The following FSTL5 variants were observed in gnomAD, a reference collection of about 807,000 sequenced individuals.
FSTL5 encodes the protein follistatin-related protein 5.
FSTL5 carries 62 observed loss-of-function variants against 89.1 expected under a neutral mutation model. The ratio of observed to expected loss-of-function variants is 0.70; its 90% CI spans 0.57 to 0.86. FSTL5 has a LOEUF of 0.86. FSTL5 is among the 40% of genes least tolerant of loss of function. The pLI, the probability that FSTL5 is intolerant of heterozygous loss-of-function variation, is 0.00. For missense variants in FSTL5, 1,057 were observed against 1,001.6 expected, an observed-to-expected ratio of 1.06 and a Z score of -0.75; for synonymous variants, 383 against 346.2, an observed-to-expected ratio of 1.11 and a Z score of -1.18.
At position 161,551,651 on chromosome 4, in the gene FSTL5, GA is replaced by G. The variant is rs1246012612; in HGVS notation, c.1016-8959del. Reference sequence around the variant, plus strand: ...ACCAAAACAGAGATATAGATCCATGGAACAGAACAGAGCCCTCAGAAATAAT... The same window carrying G: ...ACCAAAACAGAGATATAGATCCATGGACAGAACAGAGCCCTCAGAAATAAT... On this transcript the variant is annotated intron_variant, in intron 8 of 15. Coordinates refer to ENST00000306100, the MANE Select transcript of FSTL5 (RefSeq NM_020116.5). 3.3e-5 allele frequency among the ~76,000 whole-genome samples: 5 copies of G among 152,008 alleles called. No individual in the cohort carries two copies. The South Asian group carries it at 8.3e-4, about 25-fold the overall frequency.
chr4:161,570,765 G>A (rs1732977208), intron 8 of FSTL5, among the ~76,000 whole-genome samples: 1 of 152,202 alleles, frequency 6.6e-6, no homozygotes, highest in African/African-American at 2.4e-5. Flanking sequence ...TATTGCAGGT[G>A]AGCCTGCAGC....
At chr4:161,455,631 C>A (rs746786014) in intron 14 of FSTL5, among the ~76,000 whole-genome samples, 1 of 152,026 alleles carries the variant, frequency 6.6e-6, no homozygotes, top group Non-Finnish European at 1.5e-5. Context: ...AACCGGTTTA[C>A]GTGTTTTAAT....
At chr4:161,636,201 T>A (rs1735690501) in intron 7 of FSTL5, among the ~76,000 whole-genome samples, 1 of 152,200 alleles carries the variant, frequency 6.6e-6, no homozygotes, top group Non-Finnish European at 1.5e-5. Flanking sequence ...TCTCAAAGCA[T>A]CAAAACACTC....
chr4:161,415,827 T>G (rs1014877960), intron 15 of FSTL5, among the ~76,000 whole-genome samples: 1 of 36,594 alleles, frequency 2.7e-5, no homozygotes, highest in African/African-American at 9.7e-5. Flanking sequence ...AGGGGATATA[T>G]ATATATATAT....
At chr4:161,679,781 A>G (rs2053557609) in intron 6 of FSTL5, among the ~76,000 whole-genome samples, 1 of 151,838 alleles carries the variant, frequency 6.6e-6, no homozygotes, top group African/African-American at 2.4e-5. Flanking sequence ...TTAATTGATC[A>G]CATACTATGT....
intron 15 of FSTL5, among the ~76,000 whole-genome samples, chr4:161,395,462 T>C (rs930782784): frequency 3.9e-5 from 6 of 152,182 alleles, no homozygotes; most frequent in African/African-American, 1.2e-4. Flanking sequence ...CTGAAATAAA[T>C]AGAAATCTAT....
chr4:161,881,057 T>A (rs1360337428), intron 4 of FSTL5, among the ~76,000 whole-genome samples: 1 of 151,802 alleles, frequency 6.6e-6, no homozygotes, highest in Non-Finnish European at 1.5e-5. Context: ...TAAAAAATCA[T>A]CTCTAGGTAT....
intron 4 of FSTL5, among the ~76,000 whole-genome samples, chr4:161,831,650 C>A (rs1730849496): frequency 6.6e-6 from 1 of 151,634 alleles, no homozygotes; most frequent in South Asian, 2.1e-4. Context: ...TAAATAGAAT[C>A]TTTATTCTAA....
At chr4:161,581,314 C>A (rs1733429711) in intron 8 of FSTL5, among the ~76,000 whole-genome samples, 1 of 152,204 alleles carries the variant, frequency 6.6e-6, no homozygotes, top group Admixed American at 6.5e-5. Context: ...GTTTGACAAT[C>A]ACTGAGCTAG....
intron 7 of FSTL5, among the ~76,000 whole-genome samples, chr4:161,630,876 T>C (rs1236726827): frequency 6.6e-6 from 1 of 152,246 alleles, no homozygotes; most frequent in African/African-American, 2.4e-5. Flanking sequence ...AACTTTGCTT[T>C]ACATGAACTT....
intron 6 of FSTL5, among the ~76,000 whole-genome samples, chr4:161,745,782 T>C (rs1445595385): frequency 6.6e-6 from 1 of 152,098 alleles, no homozygotes; most frequent in South Asian, 2.1e-4. Flanking sequence ...CTGTCACCTA[T>C]GTCATTTTCA....
In FSTL5 at chr4:161,686,503, C is replaced by A. The variant is rs1737751322; in HGVS notation, c.728-30009G>T. On this transcript the variant is annotated intron_variant, in intron 6 of 15. Transcript: ENST00000306100. ...CCTCCTGAGTAGCTGGGACCACAGG[C>A]ACCCGCCACCATGCCCAGCTAATTT... Among the ~76,000 whole-genome samples the A allele has an allele frequency of 6.0e-5, 9 of 150,328 alleles. No homozygotes were observed. In the South Asian group the frequency reaches 1.9e-3, roughly 32 times the overall value.
intron 1 of FSTL5, among the ~76,000 whole-genome samples, chr4:162,155,163 A>G (rs1173053299): frequency 6.6e-6 from 1 of 152,190 alleles, no homozygotes; most frequent in African/African-American, 2.4e-5. Flanking sequence ...GTCACATTAT[A>G]TGGCAAAAAG....
chr4:162,106,686 G>A lies in FSTL5; in HGVS notation c.126+4585C>T, dbSNP rs1464003293. On this transcript the variant is annotated intron_variant, in intron 2 of 15. Transcript: ENST00000306100. ...AAATGGTAAAGAAAAAGGAGCACAGGGTTTGTAATTAGGTAATGTGGGTTT... is the reference window on the plus strand; with the variant it reads ...AAATGGTAAAGAAAAAGGAGCACAGAGTTTGTAATTAGGTAATGTGGGTTT... Among the ~76,000 whole-genome samples the A allele has an allele frequency of 2.0e-5, 3 of 152,050 alleles. No homozygotes were observed. The East Asian group carries it at 5.8e-4, about 29-fold the overall frequency.
At chr4:161,794,210 G>T (rs1284029556) in intron 4 of FSTL5, among the ~76,000 whole-genome samples, 1 of 152,112 alleles carries the variant, frequency 6.6e-6, no homozygotes, top group Non-Finnish European at 1.5e-5. Context: ...ATCTGTGGGT[G>T]GGGCCTGGGC....
At chr4:161,539,053 C>T (rs1253973968) in intron 9 of FSTL5, among the ~76,000 whole-genome samples, 4 of 152,036 alleles carry the variant, frequency 2.6e-5, no homozygotes, top group Admixed American at 1.3e-4. Flanking sequence ...GCATTACAGG[C>T]GTGAGCCACC....
chr4:162,131,717 C>T (rs576913058), intron 1 of FSTL5, among the ~76,000 whole-genome samples: 2 of 152,324 alleles, frequency 1.3e-5, no homozygotes, highest in Admixed American at 1.3e-4. Flanking sequence ...GAAACTTCAG[C>T]CACAAAGTGA....
intron 3 of FSTL5, among the ~76,000 whole-genome samples, chr4:161,954,579 T>C (rs925529119): frequency 6.6e-6 from 1 of 151,690 alleles, no homozygotes; most frequent in African/African-American, 2.4e-5. Flanking sequence ...TATGTATGTC[T>C]GTATGTATGT....
At position 161,852,873 on chromosome 4, in the gene FSTL5, T is replaced by A. The variant is rs9996596; in HGVS notation, c.409+67531A>T. Among the ~76,000 whole-genome samples the A allele has an allele frequency of 4.8e-3, 731 of 152,060 alleles. 12 individuals are homozygous for A. Among genetic ancestry groups the A allele is most frequent in the African/African-American group, 0.017 (707 of 41,502 alleles). ...GGAGGAGGGAGAGCATCAGGAAGAA[T>A]AGCTAATGGATACCAGGCTTAATAC... On this transcript the variant is annotated intron_variant, in intron 4 of 15. Coordinates refer to ENST00000306100, the MANE Select transcript of FSTL5 (RefSeq NM_020116.5).
Sources: allele counts gnomAD v4.1 joint callset (sites outside exome capture counted in the v4.1 genomes callset), GRCh38; gene constraint gnomAD v4.1.1; transcripts MANE v1.5; gene names NCBI Gene and HGNC (gene_info 2026-07-23, HGNC 2026-07-21).